Variants in FAM20B observed in about 807,000 individuals in gnomAD.
FAM20B encodes the protein FAM20B glycosaminoglycan xylosylkinase, also known as glycosaminoglycan xylosylkinase.
Under a neutral mutation model 43.8 loss-of-function variants are expected in FAM20B, and 23 were observed. The ratio of observed to expected loss-of-function variants is 0.53; its 90% CI spans 0.38 to 0.74. FAM20B has a LOEUF of 0.74. Ranked by LOEUF, FAM20B falls within the 30% of genes least tolerant of loss-of-function variation. The probability of loss-of-function intolerance (pLI) is 0.00; values close to 1 mark genes in which losing one functional copy is unlikely to be tolerated. For synonymous variants in FAM20B, 178 were observed against 192.4 expected (o/e 0.93, Z 0.62); for missense variants, 440 against 510.5 (o/e 0.86, Z 1.33).
chr1:179,054,371 A>G (rs1651124346), intron 3 of FAM20B, among the ~76,000 whole-genome samples, 158 bp from the exon 4 acceptor site: 1 of 152,180 alleles, frequency 6.6e-6, no homozygotes, highest in Non-Finnish European at 1.5e-5. Context: ...ACACCTTCAC[A>G]TTAAATTCCT....
At chr1:179,066,769 C>G (rs1215614664) in intron 6 of FAM20B, 31 bp from the exon 7 acceptor site, 4 of 1,497,630 alleles carry the variant, frequency 2.7e-6, no homozygotes, top group Non-Finnish European at 2.8e-6. Flanking sequence ...GTACTTCCAC[C>G]TAATTCACTA....
At chr1:179,039,026 T>C (rs1650367594) in intron 1 of FAM20B, among the ~76,000 whole-genome samples, 1 of 152,254 alleles carries the variant, frequency 6.6e-6, no homozygotes, top group African/African-American at 2.4e-5. Context: ...CCAGTTGTTA[T>C]TAAGGGAGCA....
At chr1:179,040,429 G>A (rs1356905447) in intron 1 of FAM20B, among the ~76,000 whole-genome samples, 1 of 150,276 alleles carries the variant, frequency 6.7e-6, no homozygotes, top group South Asian at 2.1e-4. Context: ...CTTCCCAGTA[G>A]GGGCGGCCGG....
At chr1:179,061,018 A>G (rs1180603816) in intron 4 of FAM20B, among the ~76,000 whole-genome samples, 4 of 150,216 alleles carry the variant, frequency 2.7e-5, no homozygotes, top group African/African-American at 9.8e-5. Context: ...GACGTATAGG[A>G]GTTCATCCCT....
intron 1 of FAM20B, among the ~76,000 whole-genome samples, chr1:179,041,001 C>T (rs1650490948): frequency 1.3e-5 from 2 of 149,780 alleles, no homozygotes; most frequent in African/African-American, 5.0e-5. Flanking sequence ...AGGCGCTCCC[C>T]ACATCTCAGA....
At chr1:179,064,133 C>G (rs530056030) in intron 5 of FAM20B, 35 bp downstream of exon 5, 1 of 1,564,690 alleles carries the variant, frequency 6.4e-7, no homozygotes, top group East Asian at 2.3e-5. Context: ...TTAATTCTCC[C>G]CTGTGCCTAG....
chr1:179,064,129 C>T, intron 5 of FAM20B, 31 bp downstream of exon 5: 1 of 1,570,394 alleles, frequency 6.4e-7, no homozygotes, highest in South Asian at 1.1e-5. Context: ...TTACTTAATT[C>T]TCCCCTGTGC....
At chr1:179,064,648 T>C in intron 6 of FAM20B, 152 bp downstream of exon 6, 1 of 621,920 alleles carries the variant, frequency 1.6e-6, no homozygotes, top group East Asian at 2.8e-5. Context: ...GTACCTGTCC[T>C]TCTCTCCACT....
intron 4 of FAM20B, among the ~76,000 whole-genome samples, chr1:179,057,071 A>G (rs1395331627): frequency 2.6e-5 from 4 of 152,164 alleles, no homozygotes; most frequent in Admixed American, 2.0e-4. Flanking sequence ...CCAGCTGGAC[A>G]CGGTGGCTCA....
intron 6 of FAM20B, among the ~76,000 whole-genome samples, chr1:179,065,851 G>A (rs1399223160): frequency 6.6e-6 from 1 of 152,188 alleles, no homozygotes; most frequent in African/African-American, 2.4e-5. Flanking sequence ...TGGAGGCTGG[G>A]AACTCTAAGA....
At position 179,074,341 on chromosome 1, in the gene FAM20B, G is replaced by A. The variant is rs1357784276; in HGVS notation, c.*2197G>A. ...TCACAGCTCAGTATGAGAATACCTT[G>A]GTTAGTGCTCACCCACAAGCTTCCA... On this transcript the variant is annotated 3_prime_UTR_variant, in exon 8 of 8. Transcript: ENST00000263733. The A allele has an allele frequency of 2.0e-5, 3 of 152,618 alleles. No individual in the cohort carries two copies. Among genetic ancestry groups the A allele is most frequent in the East Asian group, 3.8e-4 (2 of 5,200 alleles). 9.5% of individuals were successfully genotyped at this position (152,618 alleles called of 1,614,324 possible). A position where few individuals can be genotyped will look rare whatever the true frequency, so the allele number is the denominator to read the frequency against.
intron 4 of FAM20B, among the ~76,000 whole-genome samples, chr1:179,057,399 C>G (rs1470342772): frequency 6.6e-6 from 1 of 152,094 alleles, no homozygotes; most frequent in East Asian, 1.9e-4. Context: ...TCTCTTGATG[C>G]AATTTTTAAA....
Position 179,064,325 on chromosome 1 carries a change from A to G in FAM20B, c.767A>G (p.Tyr256Cys). 6.2e-7 allele frequency: 1 copy of G among 1,611,498 alleles called. No homozygotes were observed. Among genetic ancestry groups the G allele is most frequent in the Non-Finnish European group, 8.5e-7 (1 of 1,178,162 alleles). The stretch of plus-strand genomic sequence containing the variant: ...TCCAGGTGGGAGTATGATGAGAGCT[A>G]CTGTGATGCTGTGAAGAAAACGTCC... ...KLARWEYDES[Y>C]CDAVKKTSPY... Residue 256 changes from tyrosine (Y) to cysteine (C), a missense_variant, in exon 6 of 8, where the codon TAC becomes TGC. Transcript: ENST00000263733.
intron 4 of FAM20B, among the ~76,000 whole-genome samples, chr1:179,061,076 A>ATTTTTTT (rs67897742): frequency 7.9e-6 from 1 of 126,288 alleles, no homozygotes; most frequent in Non-Finnish European, 1.6e-5. Context: ...TCTTTGTCGA[A>ATTTTTTT]TTTTTTTTTT....
At chr1:179,051,892 C>T (rs1213111574) in intron 3 of FAM20B, among the ~76,000 whole-genome samples, 2 of 152,076 alleles carry the variant, frequency 1.3e-5, no homozygotes, top group Non-Finnish European at 1.5e-5. Flanking sequence ...AGGTGATCCG[C>T]CCACCTCAGC....
chr1:179,060,532 T>C (rs1651419303), intron 4 of FAM20B, among the ~76,000 whole-genome samples: 1 of 152,150 alleles, frequency 6.6e-6, no homozygotes, highest in African/African-American at 2.4e-5. Flanking sequence ...TATTGTGAAC[T>C]GCACATGTGA....
chr1:179,029,121 A>G (rs1649906235), intron 1 of FAM20B, among the ~76,000 whole-genome samples: 4 of 152,232 alleles, frequency 2.6e-5, no homozygotes, highest in Admixed American at 2.6e-4. Flanking sequence ...TTGCATTAAT[A>G]GAAGAACTTA....
chr1:179,036,515 G>A (rs990089408), intron 1 of FAM20B, among the ~76,000 whole-genome samples: 2 of 152,170 alleles, frequency 1.3e-5, no homozygotes, highest in African/African-American at 4.8e-5. Flanking sequence ...GAATGTTAGT[G>A]AGGTTTTTCG....
intron 1 of FAM20B, among the ~76,000 whole-genome samples, chr1:179,037,550 T>C (rs1650299331): frequency 7.4e-6 from 1 of 135,912 alleles, no homozygotes; most frequent in Non-Finnish European, 1.5e-5. Context: ...AATGGCACGA[T>C]CTCAGCTCAC....
Sources: gnomAD v4.1 joint callset for allele counts (sites outside exome capture counted in the v4.1 genomes callset) on GRCh38, gnomAD v4.1.1 for gene constraint, MANE v1.5 for transcripts, NCBI Gene and HGNC (gene_info 2026-07-23, HGNC 2026-07-21) for gene names.